The following LRRC7 variants were observed in gnomAD, a reference collection of about 807,000 sequenced individuals.
LRRC7 encodes leucine-rich repeat-containing protein 7.
Under a neutral mutation model 175.7 loss-of-function variants are expected in LRRC7, and 23 were observed. The ratio of observed to expected loss-of-function variants is 0.13; its 90% CI spans 0.09 to 0.19. The LOEUF (loss-of-function observed/expected upper bound fraction) is 0.19, where lower values mean the gene tolerates loss of function less well. LRRC7 is among the 10% of genes least tolerant of loss of function. The pLI, the probability that LRRC7 is intolerant of heterozygous loss-of-function variation, is 1.00. For missense variants in LRRC7, 1,354 were observed against 1,904.7 expected, an observed-to-expected ratio of 0.71 and a Z score of 5.38; for synonymous variants, 685 against 680.9, an observed-to-expected ratio of 1.01 and a Z score of -0.09.
chr1:69,787,665 C>G (rs1327395357), intron 3 of LRRC7, among the ~76,000 whole-genome samples: 1 of 152,180 alleles, frequency 6.6e-6, no homozygotes, highest in Non-Finnish European at 1.5e-5. Flanking sequence ...AGCACGGGGC[C>G]CTGGGCCTGT....
At chr1:69,777,901 A>G (rs192545165) in intron 3 of LRRC7, among the ~76,000 whole-genome samples, 2 of 152,214 alleles carry the variant, frequency 1.3e-5, no homozygotes, top group East Asian at 3.9e-4. Context: ...TATAAATATG[A>G]CCAGACTGTA....
intron 22 of LRRC7, among the ~76,000 whole-genome samples, chr1:70,052,720 T>C (rs1660840569): frequency 1.3e-5 from 2 of 152,178 alleles, no homozygotes; most frequent in African/African-American, 4.8e-5. Flanking sequence ...TTTTAATAAT[T>C]GTAACAATTG....
intron 24 of LRRC7, 81 bp from the exon 25 acceptor site, chr1:70,089,646 C>A: frequency 1.1e-6 from 1 of 945,138 alleles, no homozygotes; most frequent in Non-Finnish European, 1.6e-6. Flanking sequence ...AAATGTGAAT[C>A]TTTTCTACTG....
intron 1 of LRRC7, among the ~76,000 whole-genome samples, chr1:69,594,668 A>G (rs1260585732): frequency 6.6e-6 from 1 of 152,206 alleles, no homozygotes; most frequent in Non-Finnish European, 1.5e-5. Flanking sequence ...TGTTATTAGT[A>G]TACTAGTCCA....
intron 23 of LRRC7, among the ~76,000 whole-genome samples, chr1:70,067,177 C>T (rs1294056349): frequency 6.6e-6 from 1 of 151,952 alleles, no homozygotes; most frequent in African/African-American, 2.4e-5. Flanking sequence ...TTTATATATT[C>T]TAGGTACTAT....
chr1:70,123,367 A>G lies in LRRC7; in HGVS notation c.*1480A>G, dbSNP rs1666301539. 1 of 152,180 alleles carries G rather than the reference A, an allele frequency of 6.6e-6. No individual in the cohort carries two copies. The highest frequency in any genetic ancestry group is 1.5e-5 in the Non-Finnish European group (1 of 67,992). 9.4% of individuals were successfully genotyped at this position (152,180 alleles called of 1,614,324 possible). A position where few individuals can be genotyped will look rare whatever the true frequency, so the allele number is the denominator to read the frequency against. ...AGTATTGTATGAGGATTTTCACAATAGTATCACTGAATGATGTCACCAGAG... is the reference window on the plus strand; with the variant it reads ...AGTATTGTATGAGGATTTTCACAATGGTATCACTGAATGATGTCACCAGAG... On this transcript the variant is annotated 3_prime_UTR_variant, in exon 27 of 27. Coordinates refer to ENST00000651989, the MANE Select transcript of LRRC7 (RefSeq NM_001370785.2).
intron 7 of LRRC7, among the ~76,000 whole-genome samples, chr1:69,928,128 G>T (rs1647148568): frequency 6.6e-6 from 1 of 152,164 alleles, no homozygotes; most frequent in Non-Finnish European, 1.5e-5. Context: ...GGATTTTCGT[G>T]AACCGTGAAT....
In LRRC7 at chr1:70,023,219, A is replaced by G. The variant is rs539854400; in HGVS notation, c.1639A>G (p.Arg547Gly). The change falls in exon 17 of 27, where the codon AGG becomes GGG. Residue 547 changes from arginine to glycine, a missense_variant. By Grantham distance (125) the Arg-to-Gly change is moderately radical (BLOSUM62 -2). Transcript: ENST00000651989. ...TGGCGATTGCTGCACACCATGGGCC[A>G]GGTGTGATCAGCAGATCCAAGATAT... ...LSGDCCTPWA[R>G]CDQQIQDMPV... 2 of 1,611,578 alleles carry G rather than the reference A, an allele frequency of 1.2e-6. No individual in the cohort carries two copies. Among genetic ancestry groups the G allele is most frequent in the South Asian group, 2.2e-5 (2 of 90,614 alleles).
At chr1:69,636,636 T>G (rs1414211800) in intron 1 of LRRC7, among the ~76,000 whole-genome samples, 2 of 152,044 alleles carry the variant, frequency 1.3e-5, no homozygotes, top group African/African-American at 4.8e-5. Context: ...GTTTCTTATG[T>G]TCACCATTAA....
In LRRC7 at chr1:69,601,060, C is replaced by T. The variant is rs573223761; in HGVS notation, c.2+32419C>T. 4.6e-5 allele frequency among the ~76,000 whole-genome samples: 7 copies of T among 152,148 alleles called. No homozygotes were observed. In the South Asian group the frequency reaches 1.2e-3, roughly 27 times the overall value. On this transcript the variant is annotated intron_variant, in intron 1 of 26. Transcript: ENST00000651989. Reference sequence around the variant, plus strand: ...TGAACTTCTGACCTCAGGTGATCCGCCTGCCTCAGCCTCCCAAAGTGCTGG... The same window carrying T: ...TGAACTTCTGACCTCAGGTGATCCGTCTGCCTCAGCCTCCCAAAGTGCTGG...
chr1:69,869,569 A>C (rs1456167013), intron 7 of LRRC7, among the ~76,000 whole-genome samples: 3 of 152,144 alleles, frequency 2.0e-5, no homozygotes, highest in Admixed American at 6.6e-5. Flanking sequence ...TACTATTCTC[A>C]TATGTTATGT....
At chr1:69,636,692 G>A (rs926772832) in intron 1 of LRRC7, among the ~76,000 whole-genome samples, 6 of 151,656 alleles carry the variant, frequency 4.0e-5, no homozygotes, top group South Asian at 2.1e-4. Flanking sequence ...AAGAAATTTC[G>A]GTATTCCTCA....
At chr1:69,641,257 A>T (rs1007173882) in intron 1 of LRRC7, among the ~76,000 whole-genome samples, 31 of 151,738 alleles carry the variant, frequency 2.0e-4, no homozygotes, top group African/African-American at 6.7e-4. Context: ...ATATTTATTC[A>T]TTCTCCATCA....
intron 7 of LRRC7, chr1:69,919,641 C>T (rs1646822640): frequency 2.3e-6 from 2 of 861,954 alleles, no homozygotes; most frequent in Non-Finnish European, 4.0e-6. Flanking sequence ...AAGATCAAGG[C>T]AGGAGAGAAG....
chr1:70,104,939 AT>A (rs1665042414), intron 25 of LRRC7, among the ~76,000 whole-genome samples: 1 of 152,220 alleles, frequency 6.6e-6, no homozygotes, highest in Non-Finnish European at 1.5e-5. Context: ...AGTAGCAGTC[AT>A]TTTGACTGCT....
intron 2 of LRRC7, among the ~76,000 whole-genome samples, chr1:69,728,525 C>A (rs1667225210): frequency 6.6e-6 from 1 of 151,380 alleles, no homozygotes; most frequent in Non-Finnish European, 1.5e-5. Context: ...ATAGTTATTG[C>A]TACATCAAAA....
intron 1 of LRRC7, among the ~76,000 whole-genome samples, chr1:69,641,483 A>G (rs546251562): frequency 5.7e-4 from 87 of 151,744 alleles, no homozygotes; most frequent in African/African-American, 2.0e-3. Context: ...TAAATTAATC[A>G]GCATTCATAT....
chr1:70,061,579 AT>A (rs1661579688), intron 23 of LRRC7, among the ~76,000 whole-genome samples: 1 of 152,154 alleles, frequency 6.6e-6, no homozygotes, highest in Admixed American at 6.6e-5. Context: ...TATAATTATA[AT>A]TTTTAATTTA....
intron 3 of LRRC7, among the ~76,000 whole-genome samples, chr1:69,764,790 C>T (rs1046798178): frequency 8.3e-5 from 12 of 144,164 alleles, no homozygotes; most frequent in African/African-American, 2.8e-4. Flanking sequence ...GACAGACAGA[C>T]AGATAGATAA....
Sources: gnomAD v4.1 joint callset for allele counts (sites outside exome capture counted in the v4.1 genomes callset) on GRCh38, gnomAD v4.1.1 for gene constraint, MANE v1.5 for transcripts, NCBI Gene and HGNC (gene_info 2026-07-23, HGNC 2026-07-21) for gene names.